Variants in SHROOM2 observed in about 807,000 individuals in gnomAD.
SHROOM2 encodes shroom family member 2, also known as protein Shroom2.
In SHROOM2, 33 loss-of-function variants were observed where a neutral mutation model predicts 75.9. The observed-to-expected ratio is 0.43, with a 90% CI of 0.33 to 0.58. SHROOM2 has a LOEUF of 0.58. SHROOM2 is among the 20% of genes least tolerant of loss of function. The pLI is 0.04. For missense variants in SHROOM2, 1,434 were observed against 1,461.2 expected (o/e 0.98, Z 0.30); for synonymous variants, 655 against 663.6 (o/e 0.99, Z 0.20).
At chrX:9,864,654 T>C (rs1465552587) in intron 1 of SHROOM2, among the ~76,000 whole-genome samples, 1 of 105,860 alleles carries the variant, frequency 9.4e-6, no homozygotes, top group Non-Finnish European at 1.9e-5. Context: ...TGAAACCCCG[T>C]CTCTACTAAA....
In SHROOM2 at chrX:9,932,799, C is replaced by A. The variant is rs773404273; in HGVS notation, c.3516C>A (p.Pro1172=). Residue 1172 remains proline (P), a synonymous_variant, in exon 6 of 10, where the codon CCC becomes CCA. Transcript: ENST00000380913. ...QTATMETSRS[P]SPQFAPQKLT... is the part of the protein sequence containing the mutation. ...CCACCATGGAGACCTCGCGCTCCCC[C>A]TCGCCCCAGTTCGCCCCCCAGAAAC... The A allele has an allele frequency of 8.3e-7, 1 of 1,208,530 alleles. No homozygotes were observed. The highest frequency in any genetic ancestry group is 1.1e-6 in the Non-Finnish European group (1 of 895,109).
At chrX:9,923,425 A>G (rs750806460) in intron 5 of SHROOM2, among the ~76,000 whole-genome samples, 8 of 112,485 alleles carry the variant, frequency 7.1e-5, no homozygotes, top group South Asian at 3.7e-4. Flanking sequence ...ATAGCTTTGA[A>G]TATCTAAAGG....
chrX:9,928,969 A>G (rs1489495235), intron 5 of SHROOM2, among the ~76,000 whole-genome samples: 1 of 112,748 alleles, frequency 8.9e-6, no homozygotes, highest in African/African-American at 3.2e-5. Context: ...CACACAAAAC[A>G]TAGACACAGA....
intron 5 of SHROOM2, among the ~76,000 whole-genome samples, chrX:9,910,685 C>T (rs992987839): frequency 1.8e-5 from 2 of 109,894 alleles, no homozygotes; most frequent in African/African-American, 3.3e-5. Flanking sequence ...GGCATGGTGG[C>T]GTGCACCTGT....
At chrX:9,904,201 G>A (rs1424596491) in intron 5 of SHROOM2, among the ~76,000 whole-genome samples, 1 of 111,323 alleles carries the variant, frequency 9.0e-6, no homozygotes, top group Non-Finnish European at 1.9e-5. Flanking sequence ...AGATGGGGCA[G>A]GTAAGCAGTC....
At chrX:9,833,645 T>TGC (rs1555925462) in intron 1 of SHROOM2, among the ~76,000 whole-genome samples, 1 of 100,085 alleles carries the variant, frequency 1.0e-5, no homozygotes, top group African/African-American at 3.5e-5. Context: ...TGTGTGTGTG[T>TGC]GCATGCACGT....
intron 1 of SHROOM2, among the ~76,000 whole-genome samples, chrX:9,791,869 C>A (rs1395220825): frequency 9.2e-6 from 1 of 108,880 alleles, no homozygotes; most frequent in Non-Finnish European, 1.9e-5. Context: ...GTGGTGCATG[C>A]CTGTAATTCC....
chrX:9,802,235 G>A (rs1026344128), intron 1 of SHROOM2, among the ~76,000 whole-genome samples: 1 of 110,784 alleles, frequency 9.0e-6, no homozygotes, highest in Middle Eastern at 4.2e-3. Context: ...TGCCCAGCTC[G>A]CTGCAGACTC....
At chrX:9,911,734 C>T (rs940468013) in intron 5 of SHROOM2, among the ~76,000 whole-genome samples, 5 of 111,705 alleles carry the variant, frequency 4.5e-5, no homozygotes, top group Admixed American at 9.5e-5. Context: ...GTTCCGGAAA[C>T]GCTTGTTAGT....
At chrX:9,900,013 C>T (rs1354424271) in intron 5 of SHROOM2, among the ~76,000 whole-genome samples, 3 of 111,709 alleles carry the variant, frequency 2.7e-5, no homozygotes, top group Non-Finnish European at 1.9e-5. Flanking sequence ...ACAGCTGTCA[C>T]GTGCAGGCTG....
At chrX:9,824,422 G>A (rs1341356897) in intron 1 of SHROOM2, among the ~76,000 whole-genome samples, 1 of 111,326 alleles carries the variant, frequency 9.0e-6, no homozygotes, top group African/African-American at 3.3e-5. Flanking sequence ...TGGGAGACAA[G>A]AGCCGAAACT....
chrX:9,933,089 G>A (rs977309355), intron 6 of SHROOM2, among the ~76,000 whole-genome samples: 9 of 111,421 alleles, frequency 8.1e-5, no homozygotes, highest in African/African-American at 2.9e-4. Context: ...GCAGGGAACA[G>A]GGGTAGATGT....
chrX:9,915,859 C>G (rs898924314), intron 5 of SHROOM2, among the ~76,000 whole-genome samples: 1 of 111,909 alleles, frequency 8.9e-6, no homozygotes, highest in Non-Finnish European at 1.9e-5. Context: ...TGGAAGGTTT[C>G]CACAGTTTGG....
chrX:9,805,037 C>G (rs1198114777), intron 1 of SHROOM2, among the ~76,000 whole-genome samples: 1 of 106,907 alleles, frequency 9.4e-6, no homozygotes, highest in Non-Finnish European at 1.9e-5. Flanking sequence ...GAGTTCGAGA[C>G]GAGCTTGCTT....
rs193120548 is a variant in SHROOM2 at position 9,887,854 on chromosome X, C to T, written c.318-3123C>T. 3.5e-3 allele frequency among the ~76,000 whole-genome samples: 392 copies of T among 113,028 alleles called. 5 individuals carry two copies. The highest frequency in any genetic ancestry group is 0.012 in the African/African-American group (375 of 31,177). On this transcript the variant is annotated intron_variant, in intron 2 of 9. Coordinates refer to ENST00000380913, the MANE Select transcript of SHROOM2 (RefSeq NM_001649.4). ...CCATGCAGCTGAGATGGGGTTACTA[C>T]ATCTCTAAGGCAGTGCTCCAGCTGC...
intron 5 of SHROOM2, chrX:9,912,626 C>T (rs1369326871): frequency 2.7e-5 from 3 of 111,682 alleles, no homozygotes; most frequent in Non-Finnish European, 3.8e-5. Flanking sequence ...CGTTTGCTCT[C>T]GGGGCACTTC....
chrX:9,852,764 A>G (rs2084047576), intron 1 of SHROOM2, among the ~76,000 whole-genome samples: 1 of 112,721 alleles, frequency 8.9e-6, no homozygotes, highest in Non-Finnish European at 1.9e-5. Context: ...GTAAAGCTAG[A>G]AAAGATCTTT....
chrX:9,918,074 G>A (rs1210054667), intron 5 of SHROOM2, among the ~76,000 whole-genome samples: 3 of 111,520 alleles, frequency 2.7e-5, no homozygotes, highest in Admixed American at 9.5e-5. Context: ...TTGTCTGTTT[G>A]CCCCTATGTT....
chrX:9,922,249 A>G (rs1471560473), intron 5 of SHROOM2, among the ~76,000 whole-genome samples: 1 of 111,238 alleles, frequency 9.0e-6, no homozygotes, highest in Non-Finnish European at 1.9e-5. Context: ...TTTCGGTACC[A>G]GATCTTGCTA....
Sources: gnomAD v4.1 joint callset for allele counts (sites outside exome capture counted in the v4.1 genomes callset) on GRCh38, gnomAD v4.1.1 for gene constraint, MANE v1.5 for transcripts, NCBI Gene and HGNC (gene_info 2026-07-23, HGNC 2026-07-21) for gene names.